The following ZNF208 variants were observed in gnomAD, a reference collection of about 807,000 sequenced individuals.
The protein encoded by ZNF208 is zinc finger protein 208, also known as zinc finger protein 95.
A neutral mutation model predicts 12.1 loss-of-function variants in ZNF208; 10 were observed. That is an observed-to-expected ratio of 0.83 (90% confidence interval 0.51 to 1.40). The LOEUF (loss-of-function observed/expected upper bound fraction) is 1.40. Among genes scored for constraint, ZNF208 ranks in the 40% most tolerant of loss-of-function variants. The pLI is 0.00. For synonymous variants in ZNF208, 497 were observed against 488.4 expected, an observed-to-expected ratio of 1.02 and a Z score of -0.23; for missense variants, 1,652 against 1,485.0, an observed-to-expected ratio of 1.11 and a Z score of -1.85.
chr19:22,010,021 T>C (rs1441568686), intron 1 of ZNF208, among the ~76,000 whole-genome samples: 1 of 151,840 alleles, frequency 6.6e-6, no homozygotes, highest in Non-Finnish European at 1.5e-5. Context: ...CTTTCTCAAC[T>C]AAAAATACAA....
chr19:21,941,173 A>AGCG, intron 4 of ZNF208: 1 of 394,408 alleles, frequency 2.5e-6, no homozygotes, highest in Non-Finnish European at 4.5e-6. Flanking sequence ...GAACTGCTGG[A>AGCG]GCGGCTGAGG....
chr19:21,958,722 C>G lies in ZNF208; in HGVS notation c.305+16007G>C, dbSNP rs187497203. Reference sequence around the variant, plus strand: ...TTCTTCTGAGATACTTAAACCAGCCCTGGAAGAAATCTTAGCTGCTAGAAC... The same window carrying G: ...TTCTTCTGAGATACTTAAACCAGCCGTGGAAGAAATCTTAGCTGCTAGAAC... On this transcript the variant is annotated intron_variant, in intron 4 of 4. Transcript: ENST00000599916. Among the ~76,000 whole-genome samples the G allele has an allele frequency of 1.3e-4, 17 of 135,170 alleles. 1 individual carries two copies. In the Admixed American group the frequency reaches 1.3e-3, roughly 11 times the overall value. The allele number at this position is 135,170 out of a possible 152,430, so 88.7% of individuals were successfully genotyped here.
chr19:22,009,046 G>A (rs1427103101), intron 1 of ZNF208, among the ~76,000 whole-genome samples: 2 of 152,128 alleles, frequency 1.3e-5, no homozygotes, highest in East Asian at 3.8e-4. Context: ...TCCCTATAAA[G>A]TTTCCAAAGG....
intron 1 of ZNF208, among the ~76,000 whole-genome samples, chr19:21,992,076 G>A (rs868076390): frequency 3.3e-5 from 5 of 152,146 alleles, no homozygotes; most frequent in South Asian, 4.1e-4. Flanking sequence ...TCCAAAAACA[G>A]ACAAATGGAA....
At position 21,968,590 on chromosome 19, in the gene ZNF208, A is replaced by C. The variant is rs1346292576; in HGVS notation, c.*2601T>G. On this transcript the variant is annotated 3_prime_UTR_variant, in exon 4 of 4. Coordinates refer to ENST00000397126, the MANE Select transcript of ZNF208 (RefSeq NM_007153.3). ...GATTTGCTTTTGAATTCAGTTTGCT[A>C]GTATTTCATGGAGGATTATTATTCC... 1.3e-5 allele frequency: 2 copies of C among 152,132 alleles called. No homozygotes were observed. Among genetic ancestry groups the C allele is most frequent in the Non-Finnish European group, 2.9e-5 (2 of 68,006 alleles). The allele number at this position is 152,132 out of a possible 1,614,324, so 9.4% of individuals were successfully genotyped here. A position where few individuals can be genotyped will look rare whatever the true frequency, so the allele number is the denominator to read the frequency against.
At chr19:21,993,565 C>G (rs768550398) in intron 1 of ZNF208, among the ~76,000 whole-genome samples, 2 of 152,142 alleles carry the variant, frequency 1.3e-5, no homozygotes, top group African/African-American at 4.8e-5. Context: ...CTTATAAAAT[C>G]ACTTGGTAAT....
chr19:21,958,224 T>C (rs1970008403), intron 4 of ZNF208, among the ~76,000 whole-genome samples: 1 of 152,086 alleles, frequency 6.6e-6, no homozygotes, highest in Non-Finnish European at 1.5e-5. Context: ...TTGTCATACA[T>C]TTCTCATGAA....
At chr19:22,010,667 G>A (rs56263556) in intron 1 of ZNF208, 125 bp downstream of exon 1, 2 of 1,466,380 alleles carry the variant, frequency 1.4e-6, no homozygotes, top group Middle Eastern at 1.7e-4. Context: ...GGTCGAGCTA[G>A]GCAAGAACTC....
chr19:21,959,493 C>T (rs1970029335), intron 4 of ZNF208, among the ~76,000 whole-genome samples: 1 of 152,166 alleles, frequency 6.6e-6, no homozygotes, highest in Non-Finnish European at 1.5e-5. Flanking sequence ...AACCCTCTTT[C>T]ACCAGAAGAA....
At chr19:22,004,624 T>C (rs1212648088) in intron 1 of ZNF208, among the ~76,000 whole-genome samples, 1 of 151,974 alleles carries the variant, frequency 6.6e-6, no homozygotes, top group African/African-American at 2.4e-5. Flanking sequence ...TGCAGCAACA[T>C]GGATGAAGCT....
chr19:21,956,572 C>G (rs1001005463), intron 4 of ZNF208, among the ~76,000 whole-genome samples: 3 of 152,172 alleles, frequency 2.0e-5, no homozygotes, highest in African/African-American at 7.2e-5. Context: ...TGCCACCTTG[C>G]AGTTCAATCT....
intron 1 of ZNF208, among the ~76,000 whole-genome samples, chr19:21,994,462 A>T (rs1283244163): frequency 6.6e-6 from 1 of 152,154 alleles, no homozygotes; most frequent in Non-Finnish European, 1.5e-5. Flanking sequence ...TAAGGCCTCC[A>T]AAAAAGGGTG....
intron 4 of ZNF208, among the ~76,000 whole-genome samples, chr19:21,951,919 C>T (rs981672430): frequency 3.3e-5 from 5 of 152,196 alleles, no homozygotes; most frequent in African/African-American, 1.2e-4. Context: ...ACAGACTGTA[C>T]TTGGAAAAAT....
rs145722631 is a variant in ZNF208 at position 21,972,519 on chromosome 19, C to A, written c.2515G>T (p.Gly839Cys). The A allele has an allele frequency of 1.9e-6, 3 of 1,612,774 alleles. No individual in the cohort carries two copies. The South Asian group carries it at 3.3e-5, about 18-fold the overall frequency. ...GEKPYKCKEC[G>C]KAFSKFSILT... ...ATTGAGAACTTACTAAAGGCTTTGC[C>A]ACATTCTTTACATTTGTAGGGCTTT... The change falls in exon 4 of 4, where the codon GGC becomes TGC. Residue 839 changes from glycine (G) to cysteine (C), a missense_variant. Physicochemically the swap from Gly to Cys is radical, Grantham distance 159. Coordinates refer to ENST00000397126, the MANE Select transcript of ZNF208 (RefSeq NM_007153.3).
intron 1 of ZNF208, among the ~76,000 whole-genome samples, 179 bp downstream of exon 1, chr19:22,010,613 C>G (rs1971129766): frequency 1.3e-5 from 2 of 152,218 alleles, no homozygotes; most frequent in Non-Finnish European, 2.9e-5. Context: ...CGCCCGGGGA[C>G]CGGGTGTCAG....
At chr19:21,979,307 A>G (rs746496691) in intron 3 of ZNF208, among the ~76,000 whole-genome samples, 2 of 152,194 alleles carry the variant, frequency 1.3e-5, no homozygotes, top group Non-Finnish European at 2.9e-5. Flanking sequence ...TGAAGAAAAA[A>G]TGTTGACGGC....
chr19:21,966,115 T>A lies in ZNF208; in HGVS notation c.*5076A>T, dbSNP rs963452573. 1.3e-5 allele frequency: 2 copies of A among 152,058 alleles called. No homozygotes were observed. The highest frequency in any genetic ancestry group is 4.8e-5 in the African/African-American group (2 of 41,412). 9.4% of individuals were successfully genotyped at this position (152,058 alleles called of 1,614,324 possible). A position where few individuals can be genotyped will look rare whatever the true frequency, so the allele number is the denominator to read the frequency against. On this transcript the variant is annotated 3_prime_UTR_variant, in exon 4 of 4. Transcript: ENST00000397126. ...TGTCATTATACCAAAAAACATTTTA[T>A]TATTTTTATTTTATATTTAAGGTAC...
rs564348685 is a variant in ZNF208 at position 21,968,565 on chromosome 19, G to A, written c.*2626C>T. On this transcript the variant is annotated 3_prime_UTR_variant, in exon 4 of 4. Transcript: ENST00000397126. ...CATTAATGTAGCAAAATAACTTTCT[G>A]ATTTGCTTTTGAATTCAGTTTGCTA... 6.6e-6 allele frequency: 1 copy of A among 152,008 alleles called. No homozygotes were observed. The highest frequency in any genetic ancestry group is 2.4e-5 in the African/African-American group (1 of 41,472). 9.4% of individuals were successfully genotyped at this position (152,008 alleles called of 1,614,324 possible). A position where few individuals can be genotyped will look rare whatever the true frequency, so the allele number is the denominator to read the frequency against.
At chr19:21,989,854 T>G (rs562138215) in intron 1 of ZNF208, among the ~76,000 whole-genome samples, 3 of 152,264 alleles carry the variant, frequency 2.0e-5, no homozygotes, top group Non-Finnish European at 4.4e-5. Context: ...CATTTTTTCA[T>G]GTGTTTTTTG....
Sources: gnomAD v4.1 joint callset for allele counts (sites outside exome capture counted in the v4.1 genomes callset) on GRCh38, gnomAD v4.1.1 for gene constraint, MANE v1.5 for transcripts, NCBI Gene and HGNC (gene_info 2026-07-23, HGNC 2026-07-21) for gene names.